The following AKAP13 variants were observed in gnomAD, a reference collection of about 807,000 sequenced individuals.
AKAP13 encodes A-kinase anchoring protein 13, also known as A-kinase anchor protein 13.
A neutral mutation model predicts 264.5 loss-of-function variants in AKAP13; 80 were observed. The observed-to-expected ratio is 0.30, with a 90% confidence interval of 0.25 to 0.36. AKAP13 has a LOEUF of 0.36. Among genes scored for constraint, AKAP13 ranks in the 10% least tolerant of loss-of-function variants. AKAP13 has a pLI of 1.00. For synonymous variants in AKAP13, 1,380 were observed against 1,250.2 expected (o/e 1.10, Z -2.19); for missense variants, 3,712 against 3,435.2 (o/e 1.08, Z -2.01).
chr15:85,483,004 C>A (rs542668730), intron 1 of AKAP13, among the ~76,000 whole-genome samples: 22 of 152,332 alleles, frequency 1.4e-4, no homozygotes, highest in Middle Eastern at 3.4e-3. Flanking sequence ...TGTATCAGAA[C>A]AACTCTTACG....
chr15:85,613,713 T>TATATATATA (rs1254657975), intron 8 of AKAP13, among the ~76,000 whole-genome samples: 8 of 110,802 alleles, frequency 7.2e-5, no homozygotes, highest in South Asian at 6.7e-4. Context: ...TATATATATA[T>TATATATATA]TAGGAGTGCT....
chr15:85,651,751 C>A (rs1017940091), intron 10 of AKAP13: 12 of 152,126 alleles, frequency 7.9e-5, no homozygotes, highest in African/African-American at 2.9e-4. Flanking sequence ...CCATTCACAC[C>A]CTCTCAAGGC....
At chr15:85,411,460 TGG>T (rs2071962299) in intron 1 of AKAP13, among the ~76,000 whole-genome samples, 1 of 152,130 alleles carries the variant, frequency 6.6e-6, no homozygotes, top group African/African-American at 2.4e-5. Flanking sequence ...TTTTTTGAGA[TGG>T]AGTCTTGCTC....
rs2089323436 is a variant in AKAP13, at chr15:85,744,925, C to T, written c.*248C>T. On this transcript the variant is annotated 3_prime_UTR_variant, in exon 37 of 37. Coordinates refer to ENST00000394518, the MANE Select transcript of AKAP13 (RefSeq NM_007200.5). ...GGACTCTCAGGTTGGGCTGGCCCTACTCAGGATTACACTGAAAGTAATGGC... is the reference window on the plus strand; with the variant it reads ...GGACTCTCAGGTTGGGCTGGCCCTATTCAGGATTACACTGAAAGTAATGGC... 4 of 430,854 alleles carry T rather than the reference C, an allele frequency of 9.3e-6. No homozygotes were observed. Among genetic ancestry groups the T allele is most frequent in the Admixed American group, 4.0e-5 (1 of 25,086 alleles). 26.7% of individuals were successfully genotyped at this position (430,854 alleles called of 1,614,324 possible). A position where few individuals can be genotyped will look rare whatever the true frequency, so the allele number is the denominator to read the frequency against.
At chr15:85,529,125 T>C (rs969364734) in intron 3 of AKAP13, among the ~76,000 whole-genome samples, 1 of 152,178 alleles carries the variant, frequency 6.6e-6, no homozygotes, top group Non-Finnish European at 1.5e-5. Flanking sequence ...TTGTAGACAT[T>C]GTTAATAACC....
rs2080075703 is a variant in AKAP13, at chr15:85,601,608, T to TGTGTGTG, written c.4161+15785_4161+15786insGTGTGTG. Reference sequence around the variant, plus strand: ...TCTCATCTTCTCTCACCTGAATTCTTTGTGTGTGTGTGTGTGTGTGTGTGT... The same window carrying TGTGTGTG: ...TCTCATCTTCTCTCACCTGAATTCTTGTGTGTGTGTGTGTGTGTGTGTGTGTGTGTGT... On this transcript the variant is annotated intron_variant, in intron 8 of 36. Coordinates refer to ENST00000394518, the MANE Select transcript of AKAP13 (RefSeq NM_007200.5). 3.8e-3 allele frequency among the ~76,000 whole-genome samples: 499 copies of TGTGTGTG among 132,080 alleles called. 2 individuals are homozygous for TGTGTGTG. The highest frequency in any genetic ancestry group is 0.014 in the African/African-American group (480 of 35,114). 86.6% of individuals were successfully genotyped at this position (132,080 alleles called of 152,430 possible).
rs1241180072 is a variant in AKAP13, at chr15:85,744,808, C to T, written c.*131C>T. On this transcript the variant is annotated 3_prime_UTR_variant, in exon 37 of 37. Coordinates refer to ENST00000394518, the MANE Select transcript of AKAP13 (RefSeq NM_007200.5). ...CAGCGTCCAGTCCTCCTGGGCGGCC[C>T]CAGGTCCTGGACAATAAGCAACAGA... The T allele has an allele frequency of 1.6e-5, 13 of 802,820 alleles. No individual in the cohort carries two copies. Among genetic ancestry groups the T allele is most frequent in the Non-Finnish European group, 3.9e-6 (2 of 515,652 alleles). 49.7% of individuals were successfully genotyped at this position (802,820 alleles called of 1,614,324 possible). A position where few individuals can be genotyped will look rare whatever the true frequency, so the allele number is the denominator to read the frequency against.
intron 23 of AKAP13, 127 bp downstream of exon 23, chr15:85,719,453 T>A: frequency 7.9e-7 from 1 of 1,270,978 alleles, no homozygotes; most frequent in Non-Finnish European, 1.1e-6. Flanking sequence ...GGAACTTATT[T>A]AATTTCTCTG....
At chr15:85,658,453 C>A in intron 11 of AKAP13, 84 bp from the exon 12 acceptor site, 1 of 1,171,068 alleles carries the variant, frequency 8.5e-7, no homozygotes, top group Non-Finnish European at 1.3e-6. Flanking sequence ...GTCTCTCTCC[C>A]CAGTGTGGTG....
chr15:85,501,603 T>A (rs372891179), intron 2 of AKAP13, among the ~76,000 whole-genome samples: 23 of 152,368 alleles, frequency 1.5e-4, no homozygotes, highest in African/African-American at 5.3e-4. Context: ...CTATGCTATA[T>A]GTCCTACATT....
At chr15:85,628,823 A>G (rs952833152) in intron 8 of AKAP13, among the ~76,000 whole-genome samples, 2 of 152,200 alleles carry the variant, frequency 1.3e-5, no homozygotes, top group Non-Finnish European at 2.9e-5. Flanking sequence ...TGAAGATGTG[A>G]AATACACTTT....
chr15:85,576,071 C>A (rs1341329160), intron 6 of AKAP13, among the ~76,000 whole-genome samples: 2 of 152,186 alleles, frequency 1.3e-5, no homozygotes, highest in East Asian at 3.8e-4. Context: ...ACTTACAGAT[C>A]AGAGCTAGCA....
At chr15:85,431,570 T>C (rs1376936518) in intron 1 of AKAP13, among the ~76,000 whole-genome samples, 1 of 152,184 alleles carries the variant, frequency 6.6e-6, no homozygotes, top group Non-Finnish European at 1.5e-5. Flanking sequence ...GGAGAGTGGA[T>C]ATAAAAGCTT....
In AKAP13 at chr15:85,741,186, C is replaced by G; in HGVS notation, c.7749C>G (p.Asp2583Glu). ...GCAGCCTGGAGAAGCAGCGCCAGGA[C>G]CTGGCCAACCTGCAGAAGCAGCAGG... is the stretch of plus-strand genomic sequence containing the variant. ...KQRSLEKQRQ[D>E]LANLQKQQAQ... Residue 2583 changes from aspartate to glutamate, a missense_variant, in exon 35 of 37, where the codon GAC becomes GAG. By Grantham distance (45) the Asp-to-Glu change is conservative (BLOSUM62 2). Coordinates refer to ENST00000394518, the MANE Select transcript of AKAP13 (RefSeq NM_007200.5). 6.2e-7 allele frequency: 1 copy of G among 1,611,410 alleles called. No homozygotes were observed. The highest frequency in any genetic ancestry group is 8.5e-7 in the Non-Finnish European group (1 of 1,178,836).
intron 30 of AKAP13, among the ~76,000 whole-genome samples, chr15:85,732,805 T>A (rs1443898842): frequency 6.6e-6 from 1 of 150,684 alleles, no homozygotes; most frequent in Non-Finnish European, 1.5e-5. Flanking sequence ...CTATTACTAT[T>A]AACTAATACT....
At chr15:85,701,623 T>C (rs920233029) in intron 17 of AKAP13, among the ~76,000 whole-genome samples, 1 of 150,278 alleles carries the variant, frequency 6.7e-6, no homozygotes, top group African/African-American at 2.5e-5. Context: ...TTTGTATTTT[T>C]ATTAGAGTTG....
At chr15:85,651,877 A>G (rs573539951) in intron 10 of AKAP13, among the ~76,000 whole-genome samples, 1 of 152,208 alleles carries the variant, frequency 6.6e-6, no homozygotes, top group African/African-American at 2.4e-5. Context: ...TCGAATTCTT[A>G]GATTATATGG....
chr15:85,478,735 A>G (rs1531855), intron 1 of AKAP13, among the ~76,000 whole-genome samples: 37,328 of 151,230 alleles, frequency 0.25, 6,064 homozygotes, highest in Middle Eastern at 0.4. Context: ...ATTTGGGCTC[A>G]GTGCTTTGTG....
chr15:85,461,191 C>G (rs1343794452), intron 1 of AKAP13, among the ~76,000 whole-genome samples: 1 of 152,178 alleles, frequency 6.6e-6, no homozygotes, highest in African/African-American at 2.4e-5. Flanking sequence ...TCTTGGCTCA[C>G]TGCAACCTCT....
Sources: gnomAD v4.1 joint callset for allele counts (sites outside exome capture counted in the v4.1 genomes callset) on GRCh38, gnomAD v4.1.1 for gene constraint, MANE v1.5 for transcripts, NCBI Gene and HGNC (gene_info 2026-07-23, HGNC 2026-07-21) for gene names.